Variants in PDE4DIP observed in about 807,000 individuals in gnomAD.
The protein encoded by PDE4DIP is myomegalin.
PDE4DIP carries 59 observed loss-of-function variants against 221.4 expected under a neutral mutation model. The ratio of observed to expected loss-of-function variants is 0.27; its 90% confidence interval spans 0.22 to 0.33. PDE4DIP has a LOEUF of 0.33. Ranked by LOEUF, PDE4DIP falls within the 10% of genes least tolerant of loss-of-function variation. The pLI, the probability that PDE4DIP is intolerant of heterozygous loss-of-function variation, is 1.00. For missense variants in PDE4DIP, 1,036 were observed against 2,154.2 expected (o/e 0.48, Z 10.28); for synonymous variants, 404 against 815.9 (o/e 0.50, Z 8.60).
exon 27 of PDE4DIP, chr1:149,005,051 G>A: frequency 6.2e-7 from 1 of 1,610,580 alleles, no homozygotes; most frequent in South Asian, 1.1e-5. Flanking sequence ...AAGAGTTCCG[G>A]GTATATGGAA....
Position 148,952,402 on chromosome 1 carries a change from G to T in PDE4DIP, c.637-8252G>T, listed in dbSNP as rs587707456. On this transcript the variant is annotated intron_variant, in intron 5 of 43. Transcript: ENST00000369354. ...CCTCCATCCCCGAGGCTTTGCGTCT[G>T]CGCGGCCGGCCGCTGCTGCTCCGGG... The T allele has an allele frequency of 6.6e-4, 721 of 1,085,154 alleles. 4 individuals carry two copies. The African/African-American group carries it at 0.011, about 16-fold the overall frequency. The allele number at this position is 1,085,154 out of a possible 1,614,324, so 67.2% of individuals were successfully genotyped here.
At chr1:149,031,551 C>G (rs1181549282) in intron 43 of PDE4DIP, among the ~76,000 whole-genome samples, 3 of 150,800 alleles carry the variant, frequency 2.0e-5, no homozygotes, top group African/African-American at 7.3e-5. Context: ...GCAAAATGTC[C>G]TCTTCTTCCT....
chr1:148,821,527 G>A (rs1669255613), intron 1 of PDE4DIP, among the ~76,000 whole-genome samples: 1 of 150,430 alleles, frequency 6.6e-6, no homozygotes, highest in Non-Finnish European at 1.5e-5. Context: ...AATTTCGTTA[G>A]AGAGGAATTA....
chr1:148,918,310 C>T (rs1375133730), intron 1 of PDE4DIP, among the ~76,000 whole-genome samples: 2 of 40,156 alleles, frequency 5.0e-5, no homozygotes, highest in African/African-American at 1.1e-4. Context: ...CGCACTGATT[C>T]GTGTATCTGC....
chr1:149,019,724 T>C (rs1289775936), intron 35 of PDE4DIP: 1 of 153,780 alleles, frequency 6.5e-6, no homozygotes, highest in Non-Finnish European at 1.4e-5. Context: ...CCTTCAATAA[T>C]CTTTGACAAC....
At chr1:148,827,663 G>C (rs2799312) in intron 1 of PDE4DIP, among the ~76,000 whole-genome samples, 11 of 115,682 alleles carry the variant, frequency 9.5e-5, no homozygotes, top group Admixed American at 4.6e-4. Flanking sequence ...ACTCTCAAAT[G>C]GTTCATCAAA....
rs1159341790 is a variant in PDE4DIP at position 148,966,530 on chromosome 1, T to TG, written c.1354-13_1354-12insG. On this transcript the variant is annotated splice_polypyrimidine_tract_variant and intron_variant, in intron 10 of 43. Transcript: ENST00000369354. ...TTGGATAAAAGAATAAAAGAAACTA[T>TG]TTTTGGTCTCAGGAATTTCGGGAGC... The TG allele has an allele frequency of 1.3e-6, 1 of 745,446 alleles. No homozygotes were observed. The highest frequency in any genetic ancestry group is 2.5e-6 in the Non-Finnish European group (1 of 407,492). 46.2% of individuals were successfully genotyped at this position (745,446 alleles called of 1,614,324 possible).
chr1:148,858,469 T>G (rs1682522009), intron 1 of PDE4DIP, among the ~76,000 whole-genome samples: 2 of 106,122 alleles, frequency 1.9e-5, no homozygotes, highest in Non-Finnish European at 3.6e-5. Context: ...GGCCCTGGTC[T>G]TCAGGCTTAG....
chr1:148,971,464 A>G (rs1163265927), intron 14 of PDE4DIP, among the ~76,000 whole-genome samples: 1 of 151,760 alleles, frequency 6.6e-6, no homozygotes, highest in Non-Finnish European at 1.5e-5. Flanking sequence ...TTATTAAAGT[A>G]TAATTGACAA....
At chr1:148,994,957 A>G (rs1301268984) in intron 22 of PDE4DIP, among the ~76,000 whole-genome samples, 1 of 152,098 alleles carries the variant, frequency 6.6e-6, no homozygotes, top group Non-Finnish European at 1.5e-5. Flanking sequence ...TGTTGTCACA[A>G]ATGACAGGAG....
intron 1 of PDE4DIP, among the ~76,000 whole-genome samples, chr1:148,859,826 G>GTA (rs1418095037): frequency 4.2e-4 from 50 of 119,834 alleles, no homozygotes; most frequent in African/African-American, 1.1e-3. Context: ...GTGTGTGTGT[G>GTA]TGTATGTGTG....
chr1:149,015,023 C>T (rs375185136), intron 32 of PDE4DIP, among the ~76,000 whole-genome samples: 1,624 of 151,914 alleles, frequency 0.011, 15 homozygotes, highest in African/African-American at 0.037. Context: ...GGTAGGAAAT[C>T]ATGTATTTGT....
At chr1:148,920,169 C>A (rs2045235007) in intron 1 of PDE4DIP, among the ~76,000 whole-genome samples, 1 of 148,428 alleles carries the variant, frequency 6.7e-6, no homozygotes. Context: ...GAATCTCACT[C>A]TTGCCCAGGC....
At chr1:148,978,622 A>G (rs1392724717) in intron 19 of PDE4DIP, among the ~76,000 whole-genome samples, 1 of 151,972 alleles carries the variant, frequency 6.6e-6, no homozygotes, top group Non-Finnish European at 1.5e-5. Flanking sequence ...TCACTGTGTC[A>G]CCCAGGCAGG....
chr1:149,007,727 G>C (rs12073447), intron 28 of PDE4DIP, among the ~76,000 whole-genome samples: 23 of 304 alleles, frequency 0.076, 2 homozygotes, highest in Admixed American at 0.11. Flanking sequence ...GAGATGGAAG[G>C]GCTTTGTTAT....
At chr1:149,028,936 A>G (rs2075951479) in intron 41 of PDE4DIP, among the ~76,000 whole-genome samples, 1 of 152,178 alleles carries the variant, frequency 6.6e-6, no homozygotes, top group Non-Finnish European at 1.5e-5. Context: ...CCTGGTTAAG[A>G]AATCAAAGAA....
At chr1:148,863,911 T>TTATTTTAATA (rs1553404118) in intron 2 of PDE4DIP, among the ~76,000 whole-genome samples, 16 of 129,508 alleles carry the variant, frequency 1.2e-4, no homozygotes, top group Non-Finnish European at 2.4e-4. Flanking sequence ...TAAATTATGT[T>TTATTTTAATA]ACTAAAATGA....
chr1:148,937,708 A>G lies in PDE4DIP; in HGVS notation c.519-39A>G, dbSNP rs782756073. On this transcript the variant is annotated intron_variant, in intron 4 of 43. Transcript: ENST00000369354. ...GAAAAAATAAGGTAATAATAGTATCATGATCATAATTACTGTCCTTACTTT... is the reference window on the plus strand; with the variant it reads ...GAAAAAATAAGGTAATAATAGTATCGTGATCATAATTACTGTCCTTACTTT... 1.2e-5 allele frequency: 13 copies of G among 1,063,466 alleles called. No individual in the cohort carries two copies. In the African/African-American group the frequency reaches 1.7e-4, roughly 14 times the overall value. 65.9% of individuals were successfully genotyped at this position (1,063,466 alleles called of 1,614,324 possible).
intron 2 of PDE4DIP, chr1:148,929,641 G>A (rs185710249): frequency 1.1e-3 from 248 of 216,146 alleles, no homozygotes; most frequent in African/African-American, 5.5e-3. Context: ...AACATTTGGG[G>A]AAAATGGGCA....
Sources: allele counts gnomAD v4.1 joint callset (sites outside exome capture counted in the v4.1 genomes callset), GRCh38; gene constraint gnomAD v4.1.1; transcripts MANE v1.5; gene names NCBI Gene and HGNC (gene_info 2026-07-23, HGNC 2026-07-21).